CLRN1: variants seen among roughly 807,000 people sequenced by gnomAD.
CLRN1 encodes the protein clarin-1.
A neutral mutation model predicts 18.7 loss-of-function variants in CLRN1; 15 were observed. That is an observed-to-expected ratio of 0.80 (90% CI 0.54 to 1.23). The LOEUF is 1.23. Among genes scored for constraint, CLRN1 ranks in the 50% most tolerant of loss-of-function variants. The probability of loss-of-function intolerance (pLI) is 0.00; values close to 1 mark genes in which losing one functional copy is unlikely to be tolerated. For missense variants in CLRN1, 311 were observed against 277.5 expected (o/e 1.12, Z -0.86); for synonymous variants, 104 against 102.9 (o/e 1.01, Z -0.07).
chr3:150,949,527 T>G (rs1052715481), intron 1 of CLRN1, among the ~76,000 whole-genome samples: 2 of 152,062 alleles, frequency 1.3e-5, no homozygotes, highest in East Asian at 3.9e-4. Context: ...ATACAAAAAA[T>G]CACTAGCATT....
intron 1 of CLRN1, among the ~76,000 whole-genome samples, chr3:150,955,824 G>T (rs1391824257): frequency 6.6e-6 from 1 of 152,062 alleles, no homozygotes; most frequent in East Asian, 1.9e-4. Context: ...ACTGTCTATG[G>T]GGGACCTTTT....
chr3:150,941,391 G>T (rs1037722312), intron 2 of CLRN1, 191 bp downstream of exon 2: 6 of 591,020 alleles, frequency 1.0e-5, no homozygotes, highest in Non-Finnish European at 1.5e-5. Context: ...TCATATAGAT[G>T]TCCATAAAGT....
At chr3:150,961,723 T>C (rs1393514908) in intron 1 of CLRN1, among the ~76,000 whole-genome samples, 1 of 152,208 alleles carries the variant, frequency 6.6e-6, no homozygotes, top group Non-Finnish European at 1.5e-5. Flanking sequence ...AGAGGGAAGA[T>C]TTCTTTCTTC....
intron 2 of CLRN1, 167 bp downstream of exon 2, chr3:150,941,415 C>A (rs1238325722): frequency 3.0e-6 from 2 of 663,604 alleles, no homozygotes; most frequent in East Asian, 2.8e-5. Context: ...TATTGAATTC[C>A]CTACTGTTGA....
At chr3:150,965,677 G>A (rs926137815) in intron 1 of CLRN1, among the ~76,000 whole-genome samples, 5 of 152,170 alleles carry the variant, frequency 3.3e-5, no homozygotes, top group African/African-American at 1.2e-4. Flanking sequence ...TTAAGTTCCA[G>A]GAGTGCCACT....
At chr3:150,936,541 A>C (rs1472963005) in intron 2 of CLRN1, among the ~76,000 whole-genome samples, 1 of 152,192 alleles carries the variant, frequency 6.6e-6, no homozygotes, top group Admixed American at 6.5e-5. Context: ...AAGCTACCTG[A>C]AAAACATTTT....
chr3:150,961,068 G>A (rs1715003084), intron 1 of CLRN1, among the ~76,000 whole-genome samples: 1 of 152,218 alleles, frequency 6.6e-6, no homozygotes. Flanking sequence ...GGTGGCTGTG[G>A]ACAAAGCATA....
intron 1 of CLRN1, among the ~76,000 whole-genome samples, chr3:150,946,181 A>G (rs547717060): frequency 1.3e-5 from 2 of 152,364 alleles, no homozygotes; most frequent in East Asian, 3.9e-4. Flanking sequence ...TATTTGGGAA[A>G]AAAGCCAAAA....
At chr3:150,938,830 G>C (rs1034039248) in intron 2 of CLRN1, among the ~76,000 whole-genome samples, 1 of 152,182 alleles carries the variant, frequency 6.6e-6, no homozygotes, top group South Asian at 2.1e-4. Flanking sequence ...CACAGGTCCT[G>C]ATCATTCCTG....
At position 150,950,666 on chromosome 3, in the gene CLRN1, G is replaced by T. The variant is rs552402635; in HGVS notation, c.254-8905C>A. Among the ~76,000 whole-genome samples the T allele has an allele frequency of 2.6e-5, 4 of 152,328 alleles. No individual in the cohort carries two copies. The East Asian group carries it at 7.7e-4, about 29-fold the overall frequency. On this transcript the variant is annotated intron_variant, in intron 1 of 2. Transcript: ENST00000327047. ...TCAAAAGATAACAGAGGCTGGCAAGGTTGCAGAGAAAAGGGAACACTTATA... is the reference window on the plus strand; with the variant it reads ...TCAAAAGATAACAGAGGCTGGCAAGTTTGCAGAGAAAAGGGAACACTTATA...
chr3:150,964,860 T>C (rs1173704633), intron 1 of CLRN1, among the ~76,000 whole-genome samples: 1 of 150,232 alleles, frequency 6.7e-6, no homozygotes, highest in Non-Finnish European at 1.5e-5. Flanking sequence ...TGAGAACACA[T>C]GGACACAGGG....
Position 150,927,817 on chromosome 3 carries a change from G to T in CLRN1, c.*119C>A. On this transcript the variant is annotated 3_prime_UTR_variant, in exon 3 of 3. Coordinates refer to ENST00000327047, the MANE Select transcript of CLRN1 (RefSeq NM_174878.3). The stretch of plus-strand genomic sequence containing the variant: ...CCTTAGTACGTAATTTGTAAACATT[G>T]TCACGAAGGGTCCTGATGCTTTAAT... The T allele has an allele frequency of 8.2e-7, 1 of 1,222,284 alleles. No homozygotes were observed. Among genetic ancestry groups the T allele is most frequent in the South Asian group, 1.2e-5 (1 of 81,292 alleles). 75.7% of individuals were successfully genotyped at this position (1,222,284 alleles called of 1,614,324 possible).
At position 150,928,029 on chromosome 3, in the gene CLRN1, A is replaced by C. The variant is rs746128095; in HGVS notation, c.606T>G (p.Asn202Lys). The change falls in exon 3 of 3, where the codon AAT becomes AAG. Residue 202 changes from asparagine (N) to lysine (K), a missense_variant. Asn to Lys is a moderately conservative substitution (Grantham distance 94, BLOSUM62 0). Transcript: ENST00000327047. ...IFFCFFVHFL[N>K]GLLIRLAGFQ... ...ATCCAGCAAGTCGTATTAGGAGCCC[A>C]TTCAGAAAATGAACAAAAAAGCAAA... 6.8e-6 allele frequency: 11 copies of C among 1,614,208 alleles called. No individual in the cohort carries two copies. The East Asian group carries it at 2.5e-4, about 36-fold the overall frequency.
At chr3:150,940,592 C>A in intron 2 of CLRN1, 1 of 1,377,730 alleles carries the variant, frequency 7.3e-7, no homozygotes, top group South Asian at 1.3e-5. Context: ...TGTTATCGTT[C>A]TGTATCCCTC....
At chr3:150,930,375 G>T (rs1156802139) in intron 2 of CLRN1, among the ~76,000 whole-genome samples, 2 of 152,104 alleles carry the variant, frequency 1.3e-5, no homozygotes, top group Non-Finnish European at 2.9e-5. Flanking sequence ...GAGGGGAGAG[G>T]TGAGCAGAAA....
intron 2 of CLRN1, among the ~76,000 whole-genome samples, chr3:150,937,487 T>A (rs1270363912): frequency 6.6e-5 from 10 of 152,174 alleles, no homozygotes; most frequent in Admixed American, 6.5e-4. Flanking sequence ...ATAATTTAAT[T>A]AGTGTTGTGT....
chr3:150,942,579 T>C (rs1184674601), intron 1 of CLRN1: 3 of 455,146 alleles, frequency 6.6e-6, no homozygotes, highest in Admixed American at 4.7e-5. Context: ...ATTCTAGGTG[T>C]TGGAAGTAGA....
chr3:150,955,728 T>A (rs1466361735), intron 1 of CLRN1, among the ~76,000 whole-genome samples: 1 of 152,206 alleles, frequency 6.6e-6, no homozygotes, highest in African/African-American at 2.4e-5. Context: ...AAAGCTCTTT[T>A]TTGTTTTGTT....
At chr3:150,941,352 A>C in intron 2 of CLRN1, 1 of 475,962 alleles carries the variant, frequency 2.1e-6, no homozygotes. Context: ...ATCTTCAAAA[A>C]TATAATTTAA....
Sources: gnomAD v4.1 joint callset for allele counts (sites outside exome capture counted in the v4.1 genomes callset) on GRCh38, gnomAD v4.1.1 for gene constraint, MANE v1.5 for transcripts, NCBI Gene and HGNC (gene_info 2026-07-23, HGNC 2026-07-21) for gene names.